CPE: variants seen among roughly 807,000 people sequenced by gnomAD.
The protein encoded by CPE is carboxypeptidase E.
Under a neutral mutation model 53.5 loss-of-function variants are expected in CPE, and 17 were observed. That is an observed-to-expected ratio of 0.32 (90% CI 0.22 to 0.48). The LOEUF (loss-of-function observed/expected upper bound fraction) is 0.48, where lower values mean the gene tolerates loss of function less well. CPE is among the 20% of genes least tolerant of loss of function. The pLI is 0.99. For synonymous variants in CPE, 226 were observed against 228.8 expected (o/e 0.99, Z 0.11); for missense variants, 524 against 614.7 (o/e 0.85, Z 1.56).
chr4:165,444,582 C>G (rs1265728511), intron 1 of CPE, among the ~76,000 whole-genome samples: 3 of 152,134 alleles, frequency 2.0e-5, no homozygotes, highest in Non-Finnish European at 2.9e-5. Flanking sequence ...ATCTGCCTCC[C>G]CAGGTGGGGA....
chr4:165,398,051 TAAAAA>T (rs397955897), intron 1 of CPE, among the ~76,000 whole-genome samples: 3 of 92,248 alleles, frequency 3.3e-5, no homozygotes, highest in Non-Finnish European at 4.4e-5. Flanking sequence ...TCCTCATTTC[TAAAAA>T]AAAAAAAAAA....
chr4:165,406,654 A>G (rs1579247027), intron 1 of CPE, among the ~76,000 whole-genome samples: 1 of 152,350 alleles, frequency 6.6e-6, no homozygotes, highest in East Asian at 1.9e-4. Flanking sequence ...AATGGTTTAT[A>G]GTAGATCCAC....
intron 1 of CPE, among the ~76,000 whole-genome samples, chr4:165,422,304 CATTT>C (rs2126674261): frequency 6.6e-6 from 1 of 151,568 alleles, no homozygotes; most frequent in Admixed American, 6.6e-5. Flanking sequence ...TCTTTCATCT[CATTT>C]ATTATTTTTT....
At chr4:165,480,939 A>T (rs1253112284) in intron 3 of CPE, among the ~76,000 whole-genome samples, 1 of 149,840 alleles carries the variant, frequency 6.7e-6, no homozygotes, top group Non-Finnish European at 1.5e-5. Flanking sequence ...TGGTAAAATT[A>T]TGGGTAATTT....
At chr4:165,419,451 T>C (rs915620005) in intron 1 of CPE, among the ~76,000 whole-genome samples, 3 of 152,228 alleles carry the variant, frequency 2.0e-5, no homozygotes, top group Non-Finnish European at 4.4e-5. Context: ...CGGTGTATTT[T>C]TTAATGAATT....
chr4:165,474,585 C>T (rs897050727), intron 3 of CPE, among the ~76,000 whole-genome samples: 1 of 152,172 alleles, frequency 6.6e-6, no homozygotes, highest in African/African-American at 2.4e-5. Context: ...ACCTTGGTTC[C>T]ATCTCATCAC....
At chr4:165,437,243 T>C (rs763679171) in intron 1 of CPE, among the ~76,000 whole-genome samples, 56 of 152,244 alleles carry the variant, frequency 3.7e-4, no homozygotes, top group Non-Finnish European at 6.2e-4. Context: ...CTGGGTCAGA[T>C]GGACTGAGAG....
chr4:165,393,844 A>G (rs1395362136), intron 1 of CPE, among the ~76,000 whole-genome samples: 1 of 152,212 alleles, frequency 6.6e-6, no homozygotes, highest in Non-Finnish European at 1.5e-5. Flanking sequence ...CTAGGGTGGC[A>G]AAAAACCAGG....
At chr4:165,431,986 A>G (rs910264281) in intron 1 of CPE, among the ~76,000 whole-genome samples, 1 of 151,300 alleles carries the variant, frequency 6.6e-6, no homozygotes, top group Non-Finnish European at 1.5e-5. Context: ...CCCACCCTAC[A>G]CCCCAATTAA....
intron 1 of CPE, among the ~76,000 whole-genome samples, chr4:165,445,738 G>T (rs991447135): frequency 1.3e-5 from 2 of 152,004 alleles, no homozygotes; most frequent in African/African-American, 2.4e-5. Context: ...ATTCCAACCA[G>T]AATTTTATTT....
intron 1 of CPE, among the ~76,000 whole-genome samples, chr4:165,395,202 A>T (rs987391255): frequency 9.2e-5 from 14 of 152,232 alleles, no homozygotes; most frequent in Non-Finnish European, 8.8e-5. Flanking sequence ...AAATGGGCTA[A>T]TAAGGCAATG....
chr4:165,455,675 C>T (rs1192354733), intron 1 of CPE, among the ~76,000 whole-genome samples: 2 of 147,626 alleles, frequency 1.4e-5, no homozygotes, highest in Non-Finnish European at 3.0e-5. Flanking sequence ...TTTTTTGAGA[C>T]AGAGTCTTGC....
intron 1 of CPE, among the ~76,000 whole-genome samples, chr4:165,421,344 T>A (rs1731207314): frequency 6.6e-6 from 1 of 152,254 alleles, no homozygotes. Flanking sequence ...CTGGTCCTCC[T>A]GTGGGCAGAG....
intron 1 of CPE, chr4:165,406,183 A>G: frequency 2.8e-6 from 2 of 704,310 alleles, no homozygotes; most frequent in Admixed American, 1.9e-5. Flanking sequence ...GAATGGGGAG[A>G]GTTAATTTAA....
chr4:165,407,859 C>CT (rs35254759), intron 1 of CPE, among the ~76,000 whole-genome samples: 40,876 of 144,576 alleles, frequency 0.28, 5,646 homozygotes, highest in Middle Eastern at 0.37. Context: ...CCCGACCCAA[C>CT]TTTTTTTTTT....
chr4:165,478,591 TAAG>T (rs1732343361), intron 3 of CPE, among the ~76,000 whole-genome samples: 1 of 152,200 alleles, frequency 6.6e-6, no homozygotes, highest in Non-Finnish European at 1.5e-5. Flanking sequence ...AACATGCAAA[TAAG>T]GAGAAAGAAG....
chr4:165,440,713 C>T (rs75611075), intron 1 of CPE, among the ~76,000 whole-genome samples: 1,639 of 151,824 alleles, frequency 0.011, 26 homozygotes, highest in African/African-American at 0.037. Flanking sequence ...CAGAAAATAC[C>T]ACCTCTGCCC....
intron 6 of CPE, among the ~76,000 whole-genome samples, chr4:165,491,882 T>C (rs1732612456): frequency 6.6e-6 from 1 of 152,146 alleles, no homozygotes; most frequent in Non-Finnish European, 1.5e-5. Context: ...TAGTCAAGTA[T>C]CATAAGTAGC....
chr4:165,484,439 A>G lies in CPE; in HGVS notation c.808A>G (p.Ser270Gly), dbSNP rs926102003. 3 of 1,613,902 alleles carry G rather than the reference A, an allele frequency of 1.9e-6. No individual in the cohort carries two copies. The African/African-American group carries it at 4.0e-5, about 22-fold the overall frequency. Reference sequence around the variant, plus strand: ...TTTTCTAGGTAGTGCTCACGAATACAGCTCCTCCCCAGATGACGCCATTTT... The same window carrying G: ...TTTTCTAGGTAGTGCTCACGAATACGGCTCCTCCCCAGATGACGCCATTTT... Reference protein sequence around the residue: ...ETRSGSAHEYSSSPDDAIFQS... With the variant: ...ETRSGSAHEYGSSPDDAIFQS... The change falls in exon 5 of 9, where the codon AGC becomes GGC. Residue 270 changes from serine to glycine, a missense_variant. By Grantham distance (56) the Ser-to-Gly change is moderately conservative (BLOSUM62 0). Coordinates refer to ENST00000402744, the MANE Select transcript of CPE (RefSeq NM_001873.4).
Sources: gnomAD v4.1 joint callset for allele counts (sites outside exome capture counted in the v4.1 genomes callset) on GRCh38, gnomAD v4.1.1 for gene constraint, MANE v1.5 for transcripts, NCBI Gene and HGNC (gene_info 2026-07-23, HGNC 2026-07-21) for gene names.